The following DAB1 variants were observed in gnomAD, a reference collection of about 807,000 sequenced individuals.
DAB1 encodes the protein disabled homolog 1.
DAB1 carries 15 observed loss-of-function variants against 64.6 expected under a neutral mutation model. That is an observed-to-expected ratio of 0.23 (90% CI 0.16 to 0.36). The LOEUF (loss-of-function observed/expected upper bound fraction) is 0.36. DAB1 is among the 10% of genes least tolerant of loss of function. The probability of loss-of-function intolerance (pLI) is 1.00; values close to 1 mark genes in which losing one functional copy is unlikely to be tolerated. For synonymous variants in DAB1, 235 were observed against 251.9 expected (o/e 0.93, Z 0.64); for missense variants, 596 against 706.7 (o/e 0.84, Z 1.78).
intron 4 of DAB1, among the ~76,000 whole-genome samples, chr1:58,260,044 A>G (rs639241): frequency 0.55 from 84,227 of 151,926 alleles, 24,738 homozygotes; most frequent in African/African-American, 0.74. Context: ...GAGAACCCTC[A>G]GCTGGTAAGT....
chr1:58,413,768 C>T (rs953111821), intron 3 of DAB1, among the ~76,000 whole-genome samples: 1 of 152,040 alleles, frequency 6.6e-6, no homozygotes, highest in African/African-American at 2.4e-5. Flanking sequence ...TGGAAACACC[C>T]CCTAAACAGA....
At chr1:57,145,514 TG>T in intron 2 of DAB1, 85 bp from the exon 3 acceptor site, 1 of 1,411,422 alleles carries the variant, frequency 7.1e-7, no homozygotes, top group South Asian at 1.3e-5. Context: ...ATCCGCTGTC[TG>T]GTTTCATCTA....
intron 7 of DAB1, among the ~76,000 whole-genome samples, chr1:57,483,175 T>G (rs763420649): frequency 2.6e-5 from 4 of 152,236 alleles, no homozygotes; most frequent in Non-Finnish European, 5.9e-5. Context: ...TCAATTGATC[T>G]TATAACATGT....
intron 2 of DAB1, among the ~76,000 whole-genome samples, chr1:57,249,433 T>TA (rs762254506): frequency 1.1e-4 from 17 of 152,306 alleles, no homozygotes; most frequent in Non-Finnish European, 1.9e-4. Flanking sequence ...TGCAGTGGCA[T>TA]AAACAAGAGT....
At position 58,081,432 on chromosome 1, in the gene DAB1, C is replaced by T. The variant is rs1237096707; in HGVS notation, n.387+69079G>A. 2.6e-5 allele frequency among the ~76,000 whole-genome samples: 4 copies of T among 152,342 alleles called. No individual in the cohort carries two copies. In the East Asian group the frequency reaches 7.7e-4, roughly 29 times the overall value. On this transcript the variant is annotated intron_variant and non_coding_transcript_variant, in intron 5 of 20. Coordinates refer to the DAB1 transcript ENST00000485760. Reference sequence around the variant, plus strand: ...CTCTACACTAGCCTCACTCCAGAACCTATGCTGATGGAGCAGCCATTGATT... The same window carrying T: ...CTCTACACTAGCCTCACTCCAGAACTTATGCTGATGGAGCAGCCATTGATT...
At position 58,045,769 on chromosome 1, in the gene DAB1, C is replaced by G. The variant is rs112125497; in HGVS notation, n.387+104742G>C. ...ATCCTTCTCTTGCCTCCTTTCTCTCCCTTTTTGCCTCTTTTCCCTTTTTCC... is the reference window on the plus strand; with the variant it reads ...ATCCTTCTCTTGCCTCCTTTCTCTCGCTTTTTGCCTCTTTTCCCTTTTTCC... On this transcript the variant is annotated intron_variant and non_coding_transcript_variant, in intron 5 of 20. Transcript: ENST00000485760. 5.6e-3 allele frequency among the ~76,000 whole-genome samples: 847 copies of G among 151,470 alleles called. 8 individuals are homozygous for G. The highest frequency in any genetic ancestry group is 0.019 in the African/African-American group (781 of 41,242).
intron 5 of DAB1, among the ~76,000 whole-genome samples, chr1:57,975,614 T>G (rs1383099321): frequency 6.6e-6 from 1 of 152,216 alleles, no homozygotes; most frequent in African/African-American, 2.4e-5. Flanking sequence ...ACTTGTTTAT[T>G]AAACAGAAGT....
intron 1 of DAB1, among the ~76,000 whole-genome samples, chr1:57,333,123 TC>T (rs1676811542): frequency 6.6e-6 from 1 of 152,222 alleles, no homozygotes; most frequent in African/African-American, 2.4e-5. Flanking sequence ...GTCCCGCACA[TC>T]TGTAATGATC....
intron 5 of DAB1, among the ~76,000 whole-genome samples, chr1:58,107,199 G>A (rs72906581): frequency 0.21 from 31,007 of 150,996 alleles, 3,445 homozygotes; most frequent in East Asian, 0.38. Flanking sequence ...AGTGGCTCAC[G>A]TCTGTTATCC....
chr1:57,193,680 G>A (rs1422010134), intron 2 of DAB1, among the ~76,000 whole-genome samples: 1 of 152,120 alleles, frequency 6.6e-6, no homozygotes, highest in Non-Finnish European at 1.5e-5. Context: ...CCATGCATAT[G>A]TATTTTTTAA....
chr1:57,591,836 A>G (rs1645448919), intron 7 of DAB1, among the ~76,000 whole-genome samples: 1 of 152,216 alleles, frequency 6.6e-6, no homozygotes, highest in Non-Finnish European at 1.5e-5. Flanking sequence ...GAAACCGTCT[A>G]GAGCAAAACC....
rs904212255 is a variant in DAB1, at chr1:58,258,115, A to C, written n.309+85237T>G. Among the ~76,000 whole-genome samples the C allele has an allele frequency of 2.0e-5, 3 of 152,338 alleles. No homozygotes were observed. The South Asian group carries it at 6.2e-4, about 32-fold the overall frequency. On this transcript the variant is annotated intron_variant and non_coding_transcript_variant, in intron 4 of 20. Coordinates refer to the DAB1 transcript ENST00000485760. ...TTGGGGTTCCCCAGGATAGGCACTC[A>C]TCAGCTCTCCTGTCCCAGCATTGTT... is the stretch of plus-strand genomic sequence containing the variant.
At chr1:57,420,603 A>G (rs1328124188) in intron 1 of DAB1, among the ~76,000 whole-genome samples, 1 of 152,234 alleles carries the variant, frequency 6.6e-6, no homozygotes, top group Non-Finnish European at 1.5e-5. Context: ...TGGTCTTCCA[A>G]TTCCAAATGC....
At chr1:57,224,378 G>C (rs1287719932) in intron 2 of DAB1, among the ~76,000 whole-genome samples, 2 of 152,144 alleles carry the variant, frequency 1.3e-5, no homozygotes, top group Non-Finnish European at 2.9e-5. Context: ...TAGCCCACCA[G>C]ATACAACGCA....
chr1:58,246,796 T>C lies in DAB1; in HGVS notation n.310-96208A>G, dbSNP rs117321635. Reference sequence around the variant, plus strand: ...TGAAATTGTGTGTGAGTGGTGTGAATGTAATGCGTACGCATGTATGTCAGG... The same window carrying C: ...TGAAATTGTGTGTGAGTGGTGTGAACGTAATGCGTACGCATGTATGTCAGG... On this transcript the variant is annotated intron_variant and non_coding_transcript_variant, in intron 4 of 20. Coordinates refer to the DAB1 transcript ENST00000485760. Among the ~76,000 whole-genome samples the C allele has an allele frequency of 4.1e-4, 63 of 152,162 alleles. No individual in the cohort carries two copies. The East Asian group carries it at 0.012, about 29-fold the overall frequency.
chr1:58,493,622 A>C (rs1645740659), intron 3 of DAB1, among the ~76,000 whole-genome samples: 1 of 151,464 alleles, frequency 6.6e-6, no homozygotes, highest in Admixed American at 6.6e-5. Context: ...ATACACCAAT[A>C]ACAGACAAAC....
chr1:57,316,869 G>C (rs1476238081), intron 1 of DAB1, among the ~76,000 whole-genome samples: 2 of 152,172 alleles, frequency 1.3e-5, no homozygotes, highest in African/African-American at 4.8e-5. Context: ...ATGGCCCCAA[G>C]TGATCCCTGT....
At chr1:58,148,516 C>T (rs918008751) in intron 5 of DAB1, among the ~76,000 whole-genome samples, 7 of 152,160 alleles carry the variant, frequency 4.6e-5, no homozygotes, top group African/African-American at 1.2e-4. Flanking sequence ...AGCTTCCTTT[C>T]GATCATTGTA....
At chr1:58,346,506 A>C (rs957460141) in intron 3 of DAB1, among the ~76,000 whole-genome samples, 1 of 152,242 alleles carries the variant, frequency 6.6e-6, no homozygotes, top group Non-Finnish European at 1.5e-5. Flanking sequence ...AGCTCAATAC[A>C]GGAAATGGAC....
Sources: allele counts gnomAD v4.1 joint callset (sites outside exome capture counted in the v4.1 genomes callset), GRCh38; gene constraint gnomAD v4.1.1; transcripts MANE v1.5; gene names NCBI Gene and HGNC (gene_info 2026-07-23, HGNC 2026-07-21).